FILIP1L: variants seen among roughly 807,000 people sequenced by gnomAD.
FILIP1L encodes the protein filamin A-interacting protein 1-like.
In FILIP1L, 55 loss-of-function variants were observed where a neutral mutation model predicts 96.6. That is an observed-to-expected ratio of 0.57 (90% confidence interval 0.46 to 0.71). FILIP1L has a LOEUF of 0.71. Among genes scored for constraint, FILIP1L ranks in the 30% least tolerant of loss-of-function variants. The probability of loss-of-function intolerance (pLI) is 0.00; values close to 1 mark genes in which losing one functional copy is unlikely to be tolerated. For missense variants in FILIP1L, 1,304 were observed against 1,321.2 expected (o/e 0.99, Z 0.20); for synonymous variants, 467 against 473.9 (o/e 0.99, Z 0.19).
chr3:100,103,078 C>A (rs946738275), intron 1 of FILIP1L, among the ~76,000 whole-genome samples: 1 of 152,206 alleles, frequency 6.6e-6, no homozygotes, highest in African/African-American at 2.4e-5. Context: ...ACTGTGGGTA[C>A]ACAGATCTAG....
At chr3:99,949,287 T>A (rs1356059760) in intron 1 of FILIP1L, among the ~76,000 whole-genome samples, 2 of 152,228 alleles carry the variant, frequency 1.3e-5, no homozygotes, top group African/African-American at 4.8e-5. Context: ...TATTTTGACA[T>A]ATTTGTATGA....
chr3:99,883,020 G>A (rs1705778865), intron 4 of FILIP1L, among the ~76,000 whole-genome samples: 1 of 141,882 alleles, frequency 7.0e-6, no homozygotes, highest in Non-Finnish European at 1.6e-5. Context: ...TGGGGGTTCT[G>A]TACATGAGAA....
At chr3:99,833,014 C>T (rs1942747988) in intron 5 of FILIP1L, 1 of 533,142 alleles carries the variant, frequency 1.9e-6, no homozygotes, top group Non-Finnish European at 3.3e-6. Flanking sequence ...ATGCATATTG[C>T]AAGAGAAATA....
chr3:99,949,593 A>G (rs1708116688), intron 1 of FILIP1L, among the ~76,000 whole-genome samples: 1 of 152,212 alleles, frequency 6.6e-6, no homozygotes, highest in Non-Finnish European at 1.5e-5. Context: ...GGGCACTAAC[A>G]TGGCTGTATT....
chr3:100,092,161 T>G (rs2066121209), intron 1 of FILIP1L, among the ~76,000 whole-genome samples: 1 of 152,206 alleles, frequency 6.6e-6, no homozygotes, highest in South Asian at 2.1e-4. Context: ...ATCTAAAACT[T>G]TTTATCATGG....
chr3:99,855,684 A>G lies in FILIP1L; in HGVS notation c.606-4614T>C, dbSNP rs562740364. ...ATCAACTTAAAAAATCTTACTTAAC[A>G]TTGCATTTGTATTCTTTTTAAAAAG... is the stretch of plus-strand genomic sequence containing the variant. On this transcript the variant is annotated intron_variant, in intron 4 of 5. Transcript: ENST00000477258. 2.0e-5 allele frequency among the ~76,000 whole-genome samples: 3 copies of G among 152,208 alleles called. No individual in the cohort carries two copies. The East Asian group carries it at 5.8e-4, about 29-fold the overall frequency.
At chr3:99,964,795 A>C (rs1708597302) in intron 1 of FILIP1L, among the ~76,000 whole-genome samples, 1 of 152,126 alleles carries the variant, frequency 6.6e-6, no homozygotes, top group Non-Finnish European at 1.5e-5. Context: ...CAGGCTACCC[A>C]AGGGGGATCA....
At chr3:99,932,605 C>CACAATG (rs1707518799) in intron 1 of FILIP1L, among the ~76,000 whole-genome samples, 1 of 152,098 alleles carries the variant, frequency 6.6e-6, no homozygotes, top group South Asian at 2.1e-4. Context: ...GACATTGACC[C>CACAATG]ATTGCCAGGC....
rs754936212 is a variant in FILIP1L at position 99,924,268 on chromosome 3, A to T, written c.567T>A (p.Ser189Arg). The change falls in exon 4 of 6, where the codon AGT (serine) becomes AGA (arginine). Residue 189 changes from serine (S) to arginine (R), a missense_variant. Coordinates refer to ENST00000477258, the MANE Select transcript of FILIP1L (RefSeq NM_001387850.1). Reference protein sequence around the residue: ...KRKHKEYMEKSDEFICLLEQE... With the variant: ...KRKHKEYMEKRDEFICLLEQE... Reference sequence around the variant, plus strand: ...GTTCTAGTAGGCATATGAATTCATCACTCTTCTCCATGTATTCTTTATGTT... The same window carrying T: ...GTTCTAGTAGGCATATGAATTCATCTCTCTTCTCCATGTATTCTTTATGTT... 1 of 1,613,332 alleles carries T rather than the reference A, an allele frequency of 6.2e-7. No homozygotes were observed. Among genetic ancestry groups the T allele is most frequent in the Non-Finnish European group, 8.5e-7 (1 of 1,179,820 alleles).
chr3:99,972,269 T>C (rs1708845116), intron 1 of FILIP1L, among the ~76,000 whole-genome samples: 1 of 152,190 alleles, frequency 6.6e-6, no homozygotes, highest in Non-Finnish European at 1.5e-5. Context: ...CTTGACCCAA[T>C]AGAGTACCCT....
At chr3:100,031,762 C>T (rs752868055) in intron 1 of FILIP1L, among the ~76,000 whole-genome samples, 2 of 152,148 alleles carry the variant, frequency 1.3e-5, no homozygotes, top group South Asian at 2.1e-4. Context: ...GCCTCACTTT[C>T]TCCAAAGGGA....
At chr3:99,886,458 T>G (rs944072251) in intron 4 of FILIP1L, among the ~76,000 whole-genome samples, 5 of 152,110 alleles carry the variant, frequency 3.3e-5, no homozygotes, top group Admixed American at 1.3e-4. Flanking sequence ...TTAAGAAAGT[T>G]TATGAATTTG....
At chr3:99,931,143 G>A in intron 1 of FILIP1L, 113 bp from the exon 2 acceptor site, 1 of 865,578 alleles carries the variant, frequency 1.2e-6, no homozygotes, top group Non-Finnish European at 1.8e-6. Context: ...CAGCCCCAAA[G>A]TCAATCTTTT....
At chr3:99,995,954 C>G (rs183453388) in intron 1 of FILIP1L, among the ~76,000 whole-genome samples, 20 of 152,306 alleles carry the variant, frequency 1.3e-4, no homozygotes, top group Admixed American at 7.8e-4. Context: ...CTCTGACATG[C>G]CCTGGAGACA....
chr3:99,950,562 C>T (rs1250973676), intron 1 of FILIP1L, among the ~76,000 whole-genome samples: 1 of 152,152 alleles, frequency 6.6e-6, no homozygotes, highest in East Asian at 1.9e-4. Flanking sequence ...TTTCATTCAT[C>T]GGATAGTATA....
chr3:99,871,847 A>G (rs1559669542), intron 4 of FILIP1L, among the ~76,000 whole-genome samples: 2 of 152,026 alleles, frequency 1.3e-5, no homozygotes, highest in African/African-American at 2.4e-5. Context: ...CTTTAAATAC[A>G]CTTATTTTTT....
chr3:99,927,998 A>T (rs1180940829), intron 3 of FILIP1L, among the ~76,000 whole-genome samples: 2 of 152,190 alleles, frequency 1.3e-5, no homozygotes, highest in Non-Finnish European at 2.9e-5. Context: ...CCTAGACATG[A>T]TTGAGATTTT....
rs538443086 is a variant in FILIP1L, at chr3:99,949,559, A to G, written c.-10-18529T>C. On this transcript the variant is annotated intron_variant, in intron 1 of 5. Coordinates refer to ENST00000477258, the MANE Select transcript of FILIP1L (RefSeq NM_001387850.1). ...GAAAGAAGGAAAAACAAACAATTCTATAGCAACCTTGGAATCTTTCTCAGG... is the reference window on the plus strand; with the variant it reads ...GAAAGAAGGAAAAACAAACAATTCTGTAGCAACCTTGGAATCTTTCTCAGG... 2.6e-5 allele frequency among the ~76,000 whole-genome samples: 4 copies of G among 152,326 alleles called. No homozygotes were observed. In the South Asian group the frequency reaches 8.3e-4, roughly 32 times the overall value.
chr3:99,830,828 G>A (rs1942647276), intron 5 of FILIP1L, among the ~76,000 whole-genome samples: 1 of 152,190 alleles, frequency 6.6e-6, no homozygotes. Flanking sequence ...AGAGATAGTG[G>A]TAGATACAGA....
Sources: allele counts gnomAD v4.1 joint callset (sites outside exome capture counted in the v4.1 genomes callset), GRCh38; gene constraint gnomAD v4.1.1; transcripts MANE v1.5; gene names NCBI Gene and HGNC (gene_info 2026-07-23, HGNC 2026-07-21).